The following ERICH5 variants were observed in gnomAD, a reference collection of about 807,000 sequenced individuals.
ERICH5 encodes the protein glutamate-rich protein 5.
A neutral mutation model predicts 28.0 loss-of-function variants in ERICH5; 24 were observed. The observed-to-expected ratio is 0.86, with a 90% CI of 0.62 to 1.21. The LOEUF (loss-of-function observed/expected upper bound fraction) is 1.21, where lower values mean the gene tolerates loss of function less well. Among genes scored for constraint, ERICH5 ranks in the 50% most tolerant of loss-of-function variants. The pLI is 0.00. For synonymous variants in ERICH5, 163 were observed against 157.6 expected (o/e 1.03, Z -0.25); for missense variants, 421 against 441.2 (o/e 0.95, Z 0.41).
intron 1 of ERICH5, among the ~76,000 whole-genome samples, chr8:98,073,428 CTCTCTATATATATA>C (rs1814960486): frequency 1.0e-4 from 2 of 19,676 alleles, no homozygotes; most frequent in African/African-American, 2.4e-4. Flanking sequence ...CTCTCTCTCT[CTCTCTATATATATA>C]TATATATATA....
chr8:98,078,524 G>A (rs2130519475), intron 1 of ERICH5, among the ~76,000 whole-genome samples: 1 of 152,210 alleles, frequency 6.6e-6, no homozygotes, highest in Non-Finnish European at 1.5e-5. Context: ...TCTTTTTGTT[G>A]GGTAGAAACT....
intron 1 of ERICH5, among the ~76,000 whole-genome samples, chr8:98,081,515 A>T (rs944531149): frequency 6.6e-6 from 1 of 152,148 alleles, no homozygotes; most frequent in African/African-American, 2.4e-5. Flanking sequence ...GTTCTTTCTG[A>T]GTATTATCTC....
At chr8:98,078,866 C>T (rs1815111605) in intron 1 of ERICH5, among the ~76,000 whole-genome samples, 1 of 152,186 alleles carries the variant, frequency 6.6e-6, no homozygotes, top group Non-Finnish European at 1.5e-5. Flanking sequence ...CATCTGTCTA[C>T]AATATTTATT....
chr8:98,090,655 C>T (rs764496407), intron 2 of ERICH5, among the ~76,000 whole-genome samples: 20 of 151,472 alleles, frequency 1.3e-4, no homozygotes, highest in Non-Finnish European at 1.9e-4. Context: ...TCAGTCTGCT[C>T]TTGTTCTTCT....
At chr8:98,082,060 A>G (rs1815192697) in intron 1 of ERICH5, among the ~76,000 whole-genome samples, 1 of 152,180 alleles carries the variant, frequency 6.6e-6, no homozygotes, top group South Asian at 2.1e-4. Context: ...CTATTCCTTG[A>G]GAGCTACTGC....
chr8:98,078,854 C>T (rs1036983401), intron 1 of ERICH5, among the ~76,000 whole-genome samples: 2 of 152,172 alleles, frequency 1.3e-5, no homozygotes, highest in East Asian at 1.9e-4. Context: ...GTGAAAACAA[C>T]GCATCTGTCT....
rs534862363 is a variant in ERICH5, at chr8:98,073,430, C to A, written c.58+8703C>A. ...TCTCTCTCTCTCTCTCTCTCTCTCT[C>A]TCTATATATATATATATATATATAT... On this transcript the variant is annotated intron_variant, in intron 1 of 2. Coordinates refer to ENST00000318528, the MANE Select transcript of ERICH5 (RefSeq NM_173549.3). Among the ~76,000 whole-genome samples the A allele has an allele frequency of 4.2e-3, 76 of 18,300 alleles. 1 individual carries two copies. The highest frequency in any genetic ancestry group is 0.027 in the Middle Eastern group (2 of 74). 12.0% of individuals were successfully genotyped at this position (18,300 alleles called of 152,430 possible).
At chr8:98,077,985 A>T (rs1362759612) in intron 1 of ERICH5, among the ~76,000 whole-genome samples, 5 of 152,216 alleles carry the variant, frequency 3.3e-5, no homozygotes, top group Non-Finnish European at 7.3e-5. Flanking sequence ...TGCTTTTATT[A>T]AAAAAGAAAA....
chr8:98,085,816 G>A (rs1238412019), intron 1 of ERICH5, among the ~76,000 whole-genome samples: 1 of 152,076 alleles, frequency 6.6e-6, no homozygotes, highest in Non-Finnish European at 1.5e-5. Flanking sequence ...TGTTCTCCTG[G>A]GGCTCGCAAA....
At chr8:98,091,900 C>CTTTCTTTCTTTCTTCCTTTCTTTCTTT in intron 2 of ERICH5, among the ~76,000 whole-genome samples, 19 of 74,676 alleles carry the variant, frequency 2.5e-4, no homozygotes, top group African/African-American at 1.1e-3. Context: ...TTCTTTCTTT[C>CTTTCTTTCTTTCTTCCTTTCTTTCTTT]CTTTCTTTCT....
At chr8:98,087,935 T>C (rs1815310272) in intron 1 of ERICH5, among the ~76,000 whole-genome samples, 1 of 152,050 alleles carries the variant, frequency 6.6e-6, no homozygotes, top group Non-Finnish European at 1.5e-5. Flanking sequence ...TAAAAAACAA[T>C]GTGGGGTGGG....
At chr8:98,071,180 G>A (rs557748322) in intron 1 of ERICH5, among the ~76,000 whole-genome samples, 24 of 152,278 alleles carry the variant, frequency 1.6e-4, no homozygotes, top group African/African-American at 5.3e-4. Flanking sequence ...GGGAAGCCGA[G>A]GCAGGCGAAT....
Position 98,089,142 on chromosome 8 carries a change from A to G in ERICH5, c.125A>G (p.His42Arg), listed in dbSNP as rs1196758287. 3 of 1,614,262 alleles carry G rather than the reference A, an allele frequency of 1.9e-6. No individual in the cohort carries two copies. The South Asian group carries it at 3.3e-5, about 18-fold the overall frequency. ...SESCFAQPKP[H>R]ALGRESTVDG... Reference sequence around the variant, plus strand: ...TCCTGCTTTGCCCAACCAAAGCCACATGCACTGGGAAGAGAATCTACTGTT... The same window carrying G: ...TCCTGCTTTGCCCAACCAAAGCCACGTGCACTGGGAAGAGAATCTACTGTT... The change falls in exon 2 of 3, where the codon CAT becomes CGT. Residue 42 changes from histidine (H) to arginine (R), a missense_variant. His to Arg is a conservative substitution (Grantham distance 29). Transcript: ENST00000318528.
chr8:98,077,345 T>G (rs1815076312), intron 1 of ERICH5, among the ~76,000 whole-genome samples: 1 of 152,222 alleles, frequency 6.6e-6, no homozygotes, highest in South Asian at 2.1e-4. Flanking sequence ...CCTTTCCTTG[T>G]TCAGTGAGAT....
rs368418418 is a variant in ERICH5 at position 98,089,574 on chromosome 8, A to C, written c.557A>C (p.Lys186Thr). Residue 186 changes from lysine to threonine, a missense_variant, in exon 2 of 3, where the codon AAG (lysine) becomes ACG (threonine). Physicochemically the swap from Lys to Thr is moderately conservative, Grantham distance 78. Transcript: ENST00000318528. ...TENPQTAAEM[K>T]PLGTTENVLT... ...AATCCACAAACTGCTGCAGAGATGA[A>C]GCCTCTAGGAACAACTGAGAACGTT... The C allele has an allele frequency of 5.0e-6, 8 of 1,614,100 alleles. No individual in the cohort carries two copies. In the African/African-American group the frequency reaches 6.7e-5, roughly 13 times the overall value.
chr8:98,072,674 G>C lies in ERICH5; in HGVS notation c.58+7947G>C, dbSNP rs78656396. Reference sequence around the variant, plus strand: ...AATTAAAATTAAAATTAAAAAGGAAGTGTTGGGATGTGCATTCCAGCTGCT... The same window carrying C: ...AATTAAAATTAAAATTAAAAAGGAACTGTTGGGATGTGCATTCCAGCTGCT... On this transcript the variant is annotated intron_variant, in intron 1 of 2. Transcript: ENST00000318528. Among the ~76,000 whole-genome samples, 1,124 of 152,136 alleles carry C rather than the reference G, an allele frequency of 7.4e-3. 12 individuals are homozygous for C. The highest frequency in any genetic ancestry group is 0.025 in the African/African-American group (1,029 of 41,518).
At chr8:98,088,984 T>A (rs1815330165) in intron 1 of ERICH5, 92 bp from the exon 2 acceptor site, 2 of 947,820 alleles carry the variant, frequency 2.1e-6, no homozygotes, top group Admixed American at 2.6e-5. Flanking sequence ...CTGTTAAATC[T>A]ACTTTGTGAT....
rs747866229 is a variant in ERICH5 at position 98,089,761 on chromosome 8, A to G, written c.744A>G (p.Thr248=). The G allele has an allele frequency of 6.2e-7, 1 of 1,614,206 alleles. No individual in the cohort carries two copies. The highest frequency in any genetic ancestry group is 8.5e-7 in the Non-Finnish European group (1 of 1,180,020). ...ETAEEQQLQA[T]LGKEEQPQLL... is the part of the protein sequence containing the mutation. ...CTGAAGAGCAGCAACTTCAGGCAAC[A>G]TTGGGAAAAGAGGAGCAGCCCCAGC... The change falls in exon 2 of 3, where the codon ACA becomes ACG. Residue 248 remains threonine, a synonymous_variant. Coordinates refer to ENST00000318528, the MANE Select transcript of ERICH5 (RefSeq NM_173549.3).
rs750923722 is a variant in ERICH5 at position 98,089,387 on chromosome 8, G to C, written c.370G>C (p.Ala124Pro). Residue 124 changes from alanine to proline, a missense_variant, in exon 2 of 3, where the codon GCC becomes CCC. Coordinates refer to ENST00000318528, the MANE Select transcript of ERICH5 (RefSeq NM_173549.3). Reference sequence around the variant, plus strand: ...GCCTCAACCAGGTGGCAAAGAGGATGCCCCAGCAGCAGAAGGAAAGAAGAA... The same window carrying C: ...GCCTCAACCAGGTGGCAAAGAGGATCCCCCAGCAGCAGAAGGAAAGAAGAA... ...GPPQPGGKED[A>P]PAAEGKKKDA... 1.5e-5 allele frequency: 24 copies of C among 1,614,138 alleles called. No homozygotes were observed. The Admixed American group carries it at 2.8e-4, about 19-fold the overall frequency.
Sources: allele counts gnomAD v4.1 joint callset (sites outside exome capture counted in the v4.1 genomes callset), GRCh38; gene constraint gnomAD v4.1.1; transcripts MANE v1.5; gene names NCBI Gene and HGNC (gene_info 2026-07-23, HGNC 2026-07-21).